The following GLRA1 variants were observed in gnomAD, a reference collection of about 807,000 sequenced individuals.
GLRA1 encodes the protein glycine receptor alpha 1, also known as glycine receptor subunit alpha-1.
Under a neutral mutation model 48.3 loss-of-function variants are expected in GLRA1, and 37 were observed. That is an observed-to-expected ratio of 0.77 (90% CI 0.59 to 1.01). The LOEUF is 1.01. GLRA1 is among the 50% of genes least tolerant of loss of function. The pLI, the probability that GLRA1 is intolerant of heterozygous loss-of-function variation, is 0.00. For missense variants in GLRA1, 427 were observed against 571.0 expected (o/e 0.75, Z 2.57); for synonymous variants, 196 against 210.7 (o/e 0.93, Z 0.60).
chr5:151,858,255 A>G (rs554939715), intron 4 of GLRA1, among the ~76,000 whole-genome samples: 1 of 152,320 alleles, frequency 6.6e-6, no homozygotes, highest in Non-Finnish European at 1.5e-5. Context: ...AGGCTGAGGA[A>G]GAAGAGGCAA....
intron 7 of GLRA1, among the ~76,000 whole-genome samples, chr5:151,835,856 T>C (rs1763565510): frequency 6.6e-6 from 1 of 152,130 alleles, no homozygotes; most frequent in Admixed American, 6.5e-5. Context: ...CAGTATCATA[T>C]AGAATGAGCA....
intron 8 of GLRA1, 66 bp downstream of exon 8, chr5:151,828,855 A>C: frequency 6.7e-7 from 1 of 1,489,292 alleles, no homozygotes; most frequent in Non-Finnish European, 9.2e-7. Context: ...ACACAAGACA[A>C]TACTGCTTAG....
intron 7 of GLRA1, among the ~76,000 whole-genome samples, chr5:151,832,668 G>C (rs1054002016): frequency 6.6e-6 from 1 of 152,160 alleles, no homozygotes; most frequent in African/African-American, 2.4e-5. Context: ...CCAAACCTAC[G>C]TTCAGTTGGT....
Position 151,910,408 on chromosome 5 carries a change from C to T in GLRA1, c.56+14086G>A, listed in dbSNP as rs74481074. Among the ~76,000 whole-genome samples, 1,224 of 152,248 alleles carry T rather than the reference C, an allele frequency of 8.0e-3. 20 individuals carry two copies. Among genetic ancestry groups the T allele is most frequent in the African/African-American group, 0.028 (1,152 of 41,542 alleles). ...TCCCCATGGTCTCATTCTCAAGAGA[C>T]AATAACAACTATAAACAGTTTTCAG... On this transcript the variant is annotated intron_variant, in intron 1 of 8. Coordinates refer to ENST00000274576, the MANE Select transcript of GLRA1 (RefSeq NM_000171.4).
chr5:151,840,843 A>G (rs4594844), intron 7 of GLRA1, among the ~76,000 whole-genome samples: 60,263 of 151,908 alleles, frequency 0.4, 12,126 homozygotes, highest in South Asian at 0.46. Flanking sequence ...TAACAATTAT[A>G]AACATCTATG....
chr5:151,822,846 G>C lies in GLRA1; in HGVS notation c.1177C>G (p.Pro393Ala). The C allele has an allele frequency of 6.2e-7, 1 of 1,614,140 alleles. No homozygotes were observed. The highest frequency in any genetic ancestry group is 8.5e-7 in the Non-Finnish European group (1 of 1,180,014). ...KGANNSNTTN[P>A]PPAPSKSPEE... ...GGGGACTTAGATGGTGCAGGAGGGG[G>C]GTTGGTGGTGTTACTGTTGTTGGCG... Residue 393 changes from proline to alanine, a missense_variant, in exon 9 of 9, where the codon CCC (proline) becomes GCC (alanine). By Grantham distance (27) the Pro-to-Ala change is conservative (BLOSUM62 -1). This residue lies in a region of GLRA1 where 121 missense variants were observed against 96.5 expected (regional missense o/e 1.25). Coordinates refer to ENST00000274576, the MANE Select transcript of GLRA1 (RefSeq NM_000171.4).
chr5:151,882,167 G>A (rs994582680), intron 3 of GLRA1, among the ~76,000 whole-genome samples: 1 of 152,224 alleles, frequency 6.6e-6, no homozygotes, highest in South Asian at 2.1e-4. Flanking sequence ...AGACAAGGAA[G>A]GGCTGGGTAG....
intron 1 of GLRA1, among the ~76,000 whole-genome samples, chr5:151,908,656 G>GT (rs894409441): frequency 3.8e-4 from 56 of 148,328 alleles, no homozygotes; most frequent in African/African-American, 8.2e-4. Flanking sequence ...CCCCTTTCTT[G>GT]TTTTTTTTTT....
chr5:151,875,354 T>G (rs895815598), intron 3 of GLRA1, among the ~76,000 whole-genome samples: 3 of 152,126 alleles, frequency 2.0e-5, no homozygotes, highest in Admixed American at 2.0e-4. Flanking sequence ...TTAATTTTTT[T>G]GTAGAGATGG....
At chr5:151,899,039 G>A (rs1391887891) in intron 1 of GLRA1, among the ~76,000 whole-genome samples, 1 of 152,152 alleles carries the variant, frequency 6.6e-6, no homozygotes, top group African/African-American at 2.4e-5. Context: ...TATGAAGGAG[G>A]GAGGGAGAGA....
intron 3 of GLRA1, among the ~76,000 whole-genome samples, chr5:151,860,295 C>G (rs1753161326): frequency 6.6e-6 from 1 of 151,994 alleles, no homozygotes; most frequent in Non-Finnish European, 1.5e-5. Flanking sequence ...AAGAAAAATT[C>G]AAAGATGGAT....
intron 7 of GLRA1, among the ~76,000 whole-genome samples, chr5:151,832,915 C>T (rs1436784786): frequency 6.6e-6 from 1 of 152,150 alleles, no homozygotes; most frequent in Non-Finnish European, 1.5e-5. Context: ...TCAGGTTACC[C>T]AGAAAGGGAA....
intron 1 of GLRA1, among the ~76,000 whole-genome samples, 183 bp downstream of exon 1, chr5:151,924,310 CG>C (rs1308031939): frequency 1.6e-4 from 1 of 6,390 alleles, no homozygotes; most frequent in Non-Finnish European, 3.2e-4. Flanking sequence ...ACCCTGCGGG[CG>C]GGGGTGGGGT....
chr5:151,887,539 GT>G (rs1753940168), intron 2 of GLRA1, among the ~76,000 whole-genome samples: 3 of 152,156 alleles, frequency 2.0e-5, no homozygotes, highest in Admixed American at 2.0e-4. Context: ...AGAAGGTATG[GT>G]TATTACCTTC....
chr5:151,837,458 C>A (rs1289935986), intron 7 of GLRA1, among the ~76,000 whole-genome samples: 1 of 152,198 alleles, frequency 6.6e-6, no homozygotes, highest in African/African-American at 2.4e-5. Context: ...AATCCCAATA[C>A]TGGGTATATA....
chr5:151,911,499 C>T (rs1327834992), intron 1 of GLRA1, among the ~76,000 whole-genome samples: 8 of 151,752 alleles, frequency 5.3e-5, no homozygotes, highest in Admixed American at 2.6e-4. Context: ...TGAGGAAAAT[C>T]GAGGCTTAGC....
chr5:151,889,399 C>T (rs1387942408), intron 2 of GLRA1, among the ~76,000 whole-genome samples: 1 of 152,226 alleles, frequency 6.6e-6, no homozygotes, highest in Non-Finnish European at 1.5e-5. Flanking sequence ...CCTGCTGGAT[C>T]ATTTTACAGA....
intron 8 of GLRA1, among the ~76,000 whole-genome samples, chr5:151,827,053 A>G (rs1406837501): frequency 6.1e-5 from 6 of 97,788 alleles, no homozygotes; most frequent in Admixed American, 1.0e-4. Flanking sequence ...TTTTGAGACA[A>G]AGTCACTATG....
chr5:151,901,841 C>G (rs1263559052), intron 1 of GLRA1, among the ~76,000 whole-genome samples: 1 of 152,168 alleles, frequency 6.6e-6, no homozygotes, highest in East Asian at 1.9e-4. Flanking sequence ...ACATCATTAT[C>G]CCCATTTTAT....
Sources: allele counts gnomAD v4.1 joint callset (sites outside exome capture counted in the v4.1 genomes callset), GRCh38; gene constraint gnomAD v4.1.1; regional missense constraint gnomAD v4.1.1; transcripts MANE v1.5; gene names NCBI Gene and HGNC (gene_info 2026-07-23, HGNC 2026-07-21).